NRXN1: variants seen among roughly 807,000 people sequenced by gnomAD.
The protein encoded by NRXN1 is neurexin 1, also known as neurexin-1.
NRXN1 carries 39 observed loss-of-function variants against 150.9 expected under a neutral mutation model. That is an observed-to-expected ratio of 0.26 (90% CI 0.20 to 0.34). NRXN1 has a LOEUF of 0.34. NRXN1 is among the 10% of genes least tolerant of loss of function. The probability of loss-of-function intolerance (pLI) is 1.00; values close to 1 mark genes in which losing one functional copy is unlikely to be tolerated. For missense variants in NRXN1, 1,815 were observed against 1,949.9 expected, an observed-to-expected ratio of 0.93 and a Z score of 1.30; for synonymous variants, 924 against 757.0, an observed-to-expected ratio of 1.22 and a Z score of -3.62.
intron 8 of NRXN1, among the ~76,000 whole-genome samples, chr2:50,609,677 T>C (rs1039447386): frequency 4.0e-5 from 6 of 151,324 alleles, no homozygotes; most frequent in African/African-American, 1.4e-4. Flanking sequence ...ACTAATTTAA[T>C]GCAATGAGTT....
intron 4 of NRXN1, 30 bp from the exon 5 acceptor site, chr2:50,921,910 GA>G: frequency 7.3e-7 from 1 of 1,376,662 alleles, no homozygotes; most frequent in Non-Finnish European, 9.7e-7. Context: ...GGTCCATGAA[GA>G]AAGGGTTTCC....
At chr2:50,524,744 T>G (rs2092899526) in intron 12 of NRXN1, among the ~76,000 whole-genome samples, 1 of 152,080 alleles carries the variant, frequency 6.6e-6, no homozygotes. Flanking sequence ...GTTTTCAAAA[T>G]TTCAATGTAT....
intron 5 of NRXN1, among the ~76,000 whole-genome samples, chr2:50,726,495 G>C (rs1339179704): frequency 6.6e-6 from 1 of 152,124 alleles, no homozygotes; most frequent in Non-Finnish European, 1.5e-5. Context: ...ACATTTCTTG[G>C]TCATTTGCTA....
At chr2:50,027,794 C>T (rs1025433200) in intron 21 of NRXN1, among the ~76,000 whole-genome samples, 1 of 152,158 alleles carries the variant, frequency 6.6e-6, no homozygotes, top group Non-Finnish European at 1.5e-5. Context: ...ACAGGGGAAA[C>T]TTCTATCCTA....
chr2:50,349,724 T>A (rs1316694639), intron 17 of NRXN1, among the ~76,000 whole-genome samples: 1 of 152,208 alleles, frequency 6.6e-6, no homozygotes, highest in African/African-American at 2.4e-5. Context: ...TTAAAATATG[T>A]CAACTGCTCC....
At chr2:50,416,004 CA>C (rs2083511410) in intron 17 of NRXN1, among the ~76,000 whole-genome samples, 2 of 146,338 alleles carry the variant, frequency 1.4e-5, no homozygotes, top group African/African-American at 2.5e-5. Flanking sequence ...TTTGTTCATT[CA>C]AAAAGAATTT....
At chr2:50,351,164 A>G (rs1217945011) in intron 17 of NRXN1, among the ~76,000 whole-genome samples, 1 of 152,188 alleles carries the variant, frequency 6.6e-6, no homozygotes, top group East Asian at 1.9e-4. Flanking sequence ...CTGAGGCAGA[A>G]TCTCACAAAT....
intron 12 of NRXN1, chr2:50,526,767 G>A (rs993453999): frequency 9.9e-5 from 15 of 152,124 alleles, no homozygotes; most frequent in East Asian, 9.6e-4. Context: ...AGTCCTGTCC[G>A]ATGTGTACAC....
intron 17 of NRXN1, among the ~76,000 whole-genome samples, chr2:50,435,171 TA>T (rs992786121): frequency 9.9e-5 from 15 of 152,160 alleles, no homozygotes; most frequent in African/African-American, 3.6e-4. Context: ...GGATGCTGAA[TA>T]ACTAAGAAGA....
Position 50,956,127 on chromosome 2 carries a change from C to G in NRXN1, c.773-30172G>C, listed in dbSNP as rs542218375. Among the ~76,000 whole-genome samples, 35 of 152,124 alleles carry G rather than the reference C, an allele frequency of 2.3e-4. No homozygotes were observed. The South Asian group carries it at 6.9e-3, about 30-fold the overall frequency. On this transcript the variant is annotated intron_variant, in intron 2 of 22. Transcript: ENST00000401669. The stretch of plus-strand genomic sequence containing the variant: ...TCCACATTTTCACTTTCCAAAGTGG[C>G]TGTTACCAGAGGTACACAACAGTAA...
In NRXN1 at chr2:50,497,767, A is replaced by G. The variant is rs2091723944; in HGVS notation, c.2498-53T>C. 6 of 1,500,228 alleles carry G rather than the reference A, an allele frequency of 4.0e-6. No individual in the cohort carries two copies. In the Admixed American group the frequency reaches 6.1e-5, roughly 15 times the overall value. 92.9% of individuals were successfully genotyped at this position (1,500,228 alleles called of 1,614,324 possible). On this transcript the variant is annotated intron_variant, in intron 13 of 22. Transcript: ENST00000401669. ...TTTCTGTATCTGAAAGGCACTTTCAACTTTAGGCTTTCATAACAATATCAC... is the reference window on the plus strand; with the variant it reads ...TTTCTGTATCTGAAAGGCACTTTCAGCTTTAGGCTTTCATAACAATATCAC...
intron 5 of NRXN1, among the ~76,000 whole-genome samples, chr2:50,921,601 C>A (rs191342513): frequency 6.6e-6 from 1 of 151,342 alleles, no homozygotes; most frequent in African/African-American, 2.4e-5. Flanking sequence ...AAACTGACAC[C>A]GAAACTTGTA....
intron 5 of NRXN1, among the ~76,000 whole-genome samples, chr2:50,645,712 A>G (rs773223694): frequency 2.0e-5 from 3 of 152,040 alleles, no homozygotes; most frequent in Non-Finnish European, 4.4e-5. Context: ...AAGCCTTTTC[A>G]AAATATTAAT....
chr2:50,344,558 T>C (rs1319844660), intron 17 of NRXN1, among the ~76,000 whole-genome samples: 1 of 152,176 alleles, frequency 6.6e-6, no homozygotes. Context: ...ACACAACAAT[T>C]TTCTCTACTA....
chr2:50,410,257 G>T (rs1041247955), intron 17 of NRXN1, among the ~76,000 whole-genome samples: 5 of 152,116 alleles, frequency 3.3e-5, no homozygotes, highest in Non-Finnish European at 7.3e-5. Context: ...CAATTTCAAG[G>T]TCTGGCTGGA....
chr2:49,947,192 T>C (rs1673068105), intron 21 of NRXN1, among the ~76,000 whole-genome samples: 1 of 152,156 alleles, frequency 6.6e-6, no homozygotes, highest in African/African-American at 2.4e-5. Flanking sequence ...ATTTCAAGGT[T>C]ACAGATAATT....
chr2:50,587,477 C>T (rs1673361279), intron 8 of NRXN1, among the ~76,000 whole-genome samples: 1 of 151,834 alleles, frequency 6.6e-6, no homozygotes, highest in South Asian at 2.1e-4. Context: ...AAAGCAAGAC[C>T]CTGTCTTAAA....
intron 22 of NRXN1, among the ~76,000 whole-genome samples, chr2:49,943,349 T>C (rs973062083): frequency 6.6e-6 from 1 of 152,304 alleles, no homozygotes; most frequent in African/African-American, 2.4e-5. Context: ...TTTTGCACAA[T>C]GTGCTGCAAA....
At chr2:50,926,180 C>A (rs915858970) in intron 2 of NRXN1, among the ~76,000 whole-genome samples, 1 of 151,878 alleles carries the variant, frequency 6.6e-6, no homozygotes, top group Non-Finnish European at 1.5e-5. Flanking sequence ...TACTGCCATG[C>A]CCTGTGCAAA....
Sources: allele counts gnomAD v4.1 joint callset (sites outside exome capture counted in the v4.1 genomes callset), GRCh38; gene constraint gnomAD v4.1.1; transcripts MANE v1.5; gene names NCBI Gene and HGNC (gene_info 2026-07-23, HGNC 2026-07-21).